The following CNTNAP5 variants were observed in gnomAD, a reference collection of about 807,000 sequenced individuals.
CNTNAP5 encodes the protein contactin-associated protein-like 5.
CNTNAP5 carries 72 observed loss-of-function variants against 150.2 expected under a neutral mutation model. The ratio of observed to expected loss-of-function variants is 0.48; its 90% confidence interval spans 0.40 to 0.58. CNTNAP5 has a LOEUF of 0.58. Among genes scored for constraint, CNTNAP5 ranks in the 20% least tolerant of loss-of-function variants. The pLI is 0.00. For missense variants in CNTNAP5, 1,636 were observed against 1,626.2 expected (o/e 1.01, Z -0.10); for synonymous variants, 672 against 619.8 (o/e 1.08, Z -1.25).
intron 1 of CNTNAP5, among the ~76,000 whole-genome samples, chr2:124,062,034 T>G (rs552613375): frequency 1.3e-4 from 19 of 147,216 alleles, no homozygotes; most frequent in South Asian, 2.2e-4. Context: ...TTGGGCTGTT[T>G]CCACAGCCTC....
intron 13 of CNTNAP5, among the ~76,000 whole-genome samples, chr2:124,723,117 A>G (rs1680080414): frequency 6.6e-6 from 1 of 152,130 alleles, no homozygotes; most frequent in Admixed American, 6.6e-5. Context: ...CAAATCATGA[A>G]GTTCTTGTTT....
chr2:124,237,663 C>G (rs1039453517), intron 2 of CNTNAP5, among the ~76,000 whole-genome samples: 17 of 152,044 alleles, frequency 1.1e-4, no homozygotes, highest in African/African-American at 3.6e-4. Context: ...ATGGTGAAAC[C>G]CTGTTTCTAC....
chr2:124,311,068 A>C (rs1244256967), intron 3 of CNTNAP5, among the ~76,000 whole-genome samples: 1 of 152,230 alleles, frequency 6.6e-6, no homozygotes. Context: ...TGATACTGCA[A>C]GACAACTTCA....
At chr2:124,367,940 C>T (rs1238523052) in intron 3 of CNTNAP5, among the ~76,000 whole-genome samples, 1 of 152,132 alleles carries the variant, frequency 6.6e-6, no homozygotes, top group Non-Finnish European at 1.5e-5. Context: ...ATTTACTTCC[C>T]ATCAAATATG....
chr2:124,588,958 G>A (rs1696616644), intron 11 of CNTNAP5, among the ~76,000 whole-genome samples: 1 of 152,004 alleles, frequency 6.6e-6, no homozygotes, highest in Non-Finnish European at 1.5e-5. Context: ...GTGTGTCCCG[G>A]GAGCCTGAAA....
At chr2:124,332,034 T>A (rs1330974816) in intron 3 of CNTNAP5, among the ~76,000 whole-genome samples, 1 of 151,906 alleles carries the variant, frequency 6.6e-6, no homozygotes, top group Non-Finnish European at 1.5e-5. Context: ...TTTTTATGAT[T>A]CATCCTTTAT....
At chr2:124,493,093 T>C (rs1472370108) in intron 7 of CNTNAP5, among the ~76,000 whole-genome samples, 1 of 152,128 alleles carries the variant, frequency 6.6e-6, no homozygotes, top group Non-Finnish European at 1.5e-5. Context: ...ATGTTAGCTA[T>C]AGGTTTGTCT....
intron 13 of CNTNAP5, among the ~76,000 whole-genome samples, chr2:124,692,559 G>A (rs1679320586): frequency 6.6e-6 from 1 of 152,102 alleles, no homozygotes; most frequent in African/African-American, 2.4e-5. Context: ...GAAGGGGGAA[G>A]GAAAGATGTC....
chr2:124,321,676 C>T (rs2104669603), intron 3 of CNTNAP5, among the ~76,000 whole-genome samples: 1 of 152,056 alleles, frequency 6.6e-6, no homozygotes, highest in Middle Eastern at 3.4e-3. Flanking sequence ...ATGTATTTTT[C>T]AAGGAAGTGT....
At chr2:124,188,716 C>CAAAAAAAAAAAAAA (rs70996047) in intron 1 of CNTNAP5, among the ~76,000 whole-genome samples, 3 of 73,074 alleles carry the variant, frequency 4.1e-5, no homozygotes, top group Non-Finnish European at 7.1e-5. Flanking sequence ...GACTCTGTCT[C>CAAAAAAAAAAAAAA]AAAAAAAAAA....
At chr2:124,311,404 G>C (rs950268087) in intron 3 of CNTNAP5, among the ~76,000 whole-genome samples, 5 of 152,080 alleles carry the variant, frequency 3.3e-5, no homozygotes, top group African/African-American at 1.2e-4. Context: ...GCATGTCCTT[G>C]GATGGAGGAA....
intron 11 of CNTNAP5, among the ~76,000 whole-genome samples, chr2:124,599,699 C>A (rs1170348216): frequency 6.6e-6 from 1 of 152,122 alleles, no homozygotes; most frequent in Non-Finnish European, 1.5e-5. Context: ...CACAATATTA[C>A]AATCTTACTC....
intron 1 of CNTNAP5, among the ~76,000 whole-genome samples, chr2:124,040,774 CTTA>C (rs1456111345): frequency 2.0e-5 from 3 of 151,860 alleles, no homozygotes; most frequent in African/African-American, 4.8e-5. Flanking sequence ...TCCTGTTGTT[CTTA>C]TTATAACTGT....
intron 6 of CNTNAP5, among the ~76,000 whole-genome samples, chr2:124,451,055 T>TAA (rs1692963519): frequency 2.3e-5 from 1 of 42,964 alleles, no homozygotes; most frequent in African/African-American, 9.6e-5. Flanking sequence ...AAAAAAAATA[T>TAA]ATATATATAT....
intron 3 of CNTNAP5, among the ~76,000 whole-genome samples, chr2:124,365,725 G>A (rs191346717): frequency 1.8e-4 from 27 of 152,262 alleles, no homozygotes; most frequent in Non-Finnish European, 2.8e-4. Context: ...TTCCTAATAT[G>A]AGACTGACAA....
chr2:124,167,492 A>C (rs972331734), intron 1 of CNTNAP5, among the ~76,000 whole-genome samples: 2 of 152,204 alleles, frequency 1.3e-5, no homozygotes, highest in African/African-American at 4.8e-5. Context: ...TGAAAAAAAC[A>C]CTTTTCTCAC....
intron 12 of CNTNAP5, among the ~76,000 whole-genome samples, chr2:124,647,231 A>T (rs1342940704): frequency 6.6e-6 from 1 of 152,166 alleles, no homozygotes; most frequent in Non-Finnish European, 1.5e-5. Flanking sequence ...ACAAAACAAA[A>T]CCCTACAATT....
At chr2:124,281,624 G>A (rs565302389) in intron 3 of CNTNAP5, among the ~76,000 whole-genome samples, 28 of 152,242 alleles carry the variant, frequency 1.8e-4, no homozygotes, top group Non-Finnish European at 3.8e-4. Flanking sequence ...CTACAGTTAA[G>A]CGACAAGAAG....
intron 7 of CNTNAP5, among the ~76,000 whole-genome samples, chr2:124,480,705 C>T (rs142294583): frequency 6.6e-6 from 1 of 152,166 alleles, no homozygotes; most frequent in African/African-American, 2.4e-5. Context: ...GATACTTTCT[C>T]TTGATCGAAG....
Sources: gnomAD v4.1 joint callset for allele counts (sites outside exome capture counted in the v4.1 genomes callset) on GRCh38, gnomAD v4.1.1 for gene constraint, MANE v1.5 for transcripts, NCBI Gene and HGNC (gene_info 2026-07-23, HGNC 2026-07-21) for gene names.